H2BC4: variants seen among roughly 807,000 people sequenced by gnomAD.
The protein encoded by H2BC4 is histone H2B type 1-C/E/F/G/I.
H2BC4 carries 10 observed loss-of-function variants against 6.2 expected under a neutral mutation model. That is an observed-to-expected ratio of 1.61 (90% CI 0.99 to 2.73). The LOEUF (loss-of-function observed/expected upper bound fraction) is 2.73, where lower values mean the gene tolerates loss of function less well. H2BC4 is among the 30% of genes most tolerant of loss of function. The pLI, the probability that H2BC4 is intolerant of heterozygous loss-of-function variation, is 0.00. For missense variants in H2BC4, 176 were observed against 168.7 expected, an observed-to-expected ratio of 1.04 and a Z score of -0.24; for synonymous variants, 146 against 70.7, an observed-to-expected ratio of 2.07 and a Z score of -5.35.
chr6:26,115,441 T>C (rs1763406203), intron 1 of H2BC4, among the ~76,000 whole-genome samples: 1 of 152,216 alleles, frequency 6.6e-6, no homozygotes, highest in East Asian at 1.9e-4. Flanking sequence ...ACCCACATCC[T>C]CTAGCCCTTG....
In H2BC4 at chr6:26,123,526, A is replaced by T; in HGVS notation, c.379T>A (p.Ter127LysextTer?). 6.2e-7 allele frequency: 1 copy of T among 1,614,174 alleles called. No homozygotes were observed. ...GTTAAGACGCTTACTTGGAATGTTT[A>T]CTTGGAGCTGGTGTACTTGGTGACG... ...KAVTKYTSSK[*>K] The change falls in exon 1 of 1, where the codon TAA (stop) becomes AAA (lysine). Residue 127 changes from the stop codon to lysine (K), a stop_lost. Transcript: ENST00000396984.
Position 26,123,734 on chromosome 6 carries a change from G to A in H2BC4, c.171C>T (p.Ser57=), listed in dbSNP as rs370776308. The change falls in exon 1 of 1, where the codon TCC becomes TCT. Residue 57 remains serine, a synonymous_variant. Coordinates refer to ENST00000396984, the MANE Select transcript of H2BC4 (RefSeq NM_003526.3). ...AAGAATTCATGATGCCCATGGCCTT[G>A]GAAGAGATGCCAGTGTCGGGATGGA... is the stretch of plus-strand genomic sequence containing the variant. ...KQVHPDTGIS[S]KAMGIMNSFV... The A allele has an allele frequency of 1.1e-4, 170 of 1,614,262 alleles. 2 individuals are homozygous for A. In the African/African-American group the frequency reaches 1.1e-3, roughly 10 times the overall value.
downstream of H2BC4, among the ~76,000 whole-genome samples, chr6:26,121,066 T>C (rs1316770936): frequency 6.6e-6 from 1 of 152,138 alleles, no homozygotes; most frequent in African/African-American, 2.4e-5. Flanking sequence ...CTATTTGGAC[T>C]CAAAAAAGAC....
chr6:26,118,768 G>C (rs73391391), downstream of H2BC4, among the ~76,000 whole-genome samples: 2,396 of 152,244 alleles, frequency 0.016, 65 homozygotes, highest in African/African-American at 0.052. Flanking sequence ...GTATTTCTCA[G>C]TGAGATTCCA....
chr6:26,121,362 G>A (rs940784868), downstream of H2BC4, among the ~76,000 whole-genome samples: 4 of 152,068 alleles, frequency 2.6e-5, no homozygotes, highest in African/African-American at 9.7e-5. Flanking sequence ...AAACAAACGC[G>A]GACGATAAAC....
chr6:26,113,863 C>CTT (rs34825795), downstream of H2BC4, among the ~76,000 whole-genome samples: 59 of 146,606 alleles, frequency 4.0e-4, no homozygotes, highest in South Asian at 6.5e-4. Context: ...CTCTCTTCCT[C>CTT]TTTTTTTTTT....
downstream of H2BC4, among the ~76,000 whole-genome samples, chr6:26,122,488 G>T (rs1158178313): frequency 1.3e-5 from 2 of 152,140 alleles, no homozygotes; most frequent in Non-Finnish European, 2.9e-5. Context: ...ATACTTAAGG[G>T]AATGTGGAAT....
downstream of H2BC4, among the ~76,000 whole-genome samples, chr6:26,119,158 G>T (rs559513735): frequency 2.0e-4 from 30 of 152,026 alleles, no homozygotes; most frequent in Admixed American, 2.6e-4. Context: ...TTGTGTTCCC[G>T]CATAGGCATG....
rs138951019 is a variant in H2BC4, at chr6:26,123,893, T to G, written c.12A>C (p.Pro4=). MPE[P]AKSAPAPKKG... Reference sequence around the variant, plus strand: ...TCTTCGGGGCGGGAGCAGACTTGGCTGGCTCAGGCATCTTAAAACACCAGA... The same window carrying G: ...TCTTCGGGGCGGGAGCAGACTTGGCGGGCTCAGGCATCTTAAAACACCAGA... The change falls in exon 1 of 1, where the codon CCA becomes CCC. Residue 4 remains proline (P), a synonymous_variant. Coordinates refer to ENST00000396984, the MANE Select transcript of H2BC4 (RefSeq NM_003526.3). 52 of 1,613,860 alleles carry G rather than the reference T, an allele frequency of 3.2e-5. 1 individual carries two copies. In the African/African-American group the frequency reaches 6.8e-4, roughly 21 times the overall value.
intron 1 of H2BC4, among the ~76,000 whole-genome samples, chr6:26,118,327 C>T (rs1002382651): frequency 3.3e-5 from 5 of 151,790 alleles, no homozygotes; most frequent in Non-Finnish European, 5.9e-5. Context: ...TCAGTTTGGT[C>T]AAAGATCAGT....
In H2BC4 at chr6:26,123,614, C is replaced by T. The variant is rs758883693; in HGVS notation, c.291G>A (p.Thr97=). ...CTCCGGGAAGCAGCAGGCGCACGGC[C>T]GTCTGGATCTCCCTGGAGGTGATGG... The part of the protein sequence containing the change: ...RSTITSREIQ[T]AVRLLLPGEL... Residue 97 remains threonine, a synonymous_variant, in exon 1 of 1, where the codon ACG becomes ACA. Transcript: ENST00000396984. 8.1e-6 allele frequency: 13 copies of T among 1,614,142 alleles called. No individual in the cohort carries two copies. The East Asian group carries it at 1.6e-4, about 19-fold the overall frequency.
At chr6:26,117,291 A>T (rs1307597668) in intron 1 of H2BC4, among the ~76,000 whole-genome samples, 3 of 152,240 alleles carry the variant, frequency 2.0e-5, no homozygotes, top group Non-Finnish European at 4.4e-5. Flanking sequence ...TTATAAATAA[A>T]ATTTGTCAAA....
chr6:26,123,464 A>C (rs2113799404), downstream of H2BC4: 1 of 1,606,068 alleles, frequency 6.2e-7, no homozygotes, highest in South Asian at 1.1e-5. Flanking sequence ...TTTAGTGGGT[A>C]TCTGGGTGGC....
downstream of H2BC4, among the ~76,000 whole-genome samples, chr6:26,119,106 G>T (rs1763465226): frequency 6.6e-6 from 1 of 151,792 alleles, no homozygotes; most frequent in Non-Finnish European, 1.5e-5. Flanking sequence ...GATAGAGTCA[G>T]AGCTGTTTGG....
downstream of H2BC4, among the ~76,000 whole-genome samples, chr6:26,114,299 A>G (rs1763393025): frequency 6.6e-6 from 1 of 152,178 alleles, no homozygotes; most frequent in South Asian, 2.1e-4. Context: ...ATCATTTTGC[A>G]GTGCAGTTTA....
At chr6:26,116,116 A>G (rs1034846129) in intron 1 of H2BC4, among the ~76,000 whole-genome samples, 2 of 152,140 alleles carry the variant, frequency 1.3e-5, no homozygotes, top group African/African-American at 4.8e-5. Flanking sequence ...TCAGAGAATA[A>G]GCCTAGAATT....
downstream of H2BC4, among the ~76,000 whole-genome samples, chr6:26,120,639 T>A (rs1163621689): frequency 6.6e-6 from 1 of 152,226 alleles, no homozygotes; most frequent in Non-Finnish European, 1.5e-5. Flanking sequence ...AGAATATGAA[T>A]AATTCTGATT....
chr6:26,122,449 A>C (rs1265134289), downstream of H2BC4, among the ~76,000 whole-genome samples: 1 of 152,348 alleles, frequency 6.6e-6, no homozygotes, highest in East Asian at 1.9e-4. Context: ...TCATCTTAAA[A>C]TCTTTACCTG....
chr6:26,113,470 G>A (rs552881652), downstream of H2BC4, among the ~76,000 whole-genome samples: 198 of 152,336 alleles, frequency 1.3e-3, 5 homozygotes, highest in South Asian at 0.021. Context: ...ACATTTGGCT[G>A]TTGACTGTGA....
Sources: gnomAD v4.1 joint callset for allele counts (sites outside exome capture counted in the v4.1 genomes callset) on GRCh38, gnomAD v4.1.1 for gene constraint, MANE v1.5 for transcripts, NCBI Gene and HGNC (gene_info 2026-07-23, HGNC 2026-07-21) for gene names.